The following RASGEF1C variants were observed in gnomAD, a reference collection of about 807,000 sequenced individuals.
The protein encoded by RASGEF1C is ras-GEF domain-containing family member 1C.
In RASGEF1C, 27 loss-of-function variants were observed where a neutral mutation model predicts 58.1. That is an observed-to-expected ratio of 0.46 (90% CI 0.34 to 0.64). The LOEUF (loss-of-function observed/expected upper bound fraction) is 0.64, where lower values mean the gene tolerates loss of function less well. Ranked by LOEUF, RASGEF1C falls within the 30% of genes least tolerant of loss-of-function variation. RASGEF1C has a pLI of 0.01. For missense variants in RASGEF1C, 502 were observed against 605.1 expected (o/e 0.83, Z 1.79); for synonymous variants, 243 against 246.3 (o/e 0.99, Z 0.13).
chr5:180,121,439 G>T (rs1367269137), intron 6 of RASGEF1C, among the ~76,000 whole-genome samples: 2 of 151,640 alleles, frequency 1.3e-5, no homozygotes, highest in Non-Finnish European at 2.9e-5. Flanking sequence ...TCAGCCTCCC[G>T]AGTAGGTGGG....
At chr5:180,153,882 G>C (rs1466541450) in intron 1 of RASGEF1C, among the ~76,000 whole-genome samples, 1 of 152,178 alleles carries the variant, frequency 6.6e-6, no homozygotes, top group East Asian at 1.9e-4. Context: ...TCTGGAAACA[G>C]AGCTGAAAGC....
intron 12 of RASGEF1C, among the ~76,000 whole-genome samples, chr5:180,106,479 T>TC (rs1393017518): frequency 6.6e-6 from 1 of 152,228 alleles, no homozygotes; most frequent in African/African-American, 2.4e-5. Context: ...GATTGTATTT[T>TC]CAGTCAGTTC....
intron 12 of RASGEF1C, among the ~76,000 whole-genome samples, chr5:180,104,109 G>A (rs888861050): frequency 3.3e-5 from 5 of 152,194 alleles, no homozygotes; most frequent in Non-Finnish European, 5.9e-5. Flanking sequence ...CTATATTCAT[G>A]AGGGATATTG....
chr5:180,103,556 G>A (rs567506054), intron 12 of RASGEF1C, among the ~76,000 whole-genome samples: 4 of 152,172 alleles, frequency 2.6e-5, no homozygotes, highest in Non-Finnish European at 4.4e-5. Context: ...CTGCAACCTT[G>A]CTGAACTCCC....
intron 1 of RASGEF1C, among the ~76,000 whole-genome samples, chr5:180,173,515 G>A (rs771512783): frequency 6.6e-6 from 1 of 152,222 alleles, no homozygotes; most frequent in Non-Finnish European, 1.5e-5. Flanking sequence ...AGCTGGAGAT[G>A]TATCTGTCAA....
intron 1 of RASGEF1C, among the ~76,000 whole-genome samples, chr5:180,170,825 G>T (rs938784204): frequency 6.6e-6 from 1 of 152,326 alleles, no homozygotes; most frequent in East Asian, 1.9e-4. Flanking sequence ...GTCCTGCTCC[G>T]CTTGTCTTCA....
intron 1 of RASGEF1C, among the ~76,000 whole-genome samples, chr5:180,186,945 T>TCAAA (rs536833919): frequency 0.029 from 4,386 of 152,022 alleles, 80 homozygotes; most frequent in Non-Finnish European, 0.034. Flanking sequence ...AGACTCAGTC[T>TCAAA]CAAACAAACA....
At chr5:180,176,556 CTTTTTTTT>C (rs538002188) in intron 1 of RASGEF1C, among the ~76,000 whole-genome samples, 1 of 138,388 alleles carries the variant, frequency 7.2e-6, no homozygotes, top group South Asian at 2.3e-4. Context: ...AAGGCTAATA[CTTTTTTTT>C]TTTTTTTTTT....
chr5:180,203,470 T>C (rs1756430416), intron 1 of RASGEF1C, among the ~76,000 whole-genome samples: 1 of 152,134 alleles, frequency 6.6e-6, no homozygotes, highest in African/African-American at 2.4e-5. Flanking sequence ...GCTCTAAATA[T>C]AACTACAAAG....
intron 1 of RASGEF1C, among the ~76,000 whole-genome samples, chr5:180,208,732 G>A (rs926459447): frequency 7.9e-5 from 12 of 152,222 alleles, no homozygotes; most frequent in Non-Finnish European, 1.6e-4. Flanking sequence ...CCACTCTAGC[G>A]GCTGAAAGAA....
At chr5:180,192,039 G>A (rs1756173173) in intron 1 of RASGEF1C, among the ~76,000 whole-genome samples, 1 of 152,200 alleles carries the variant, frequency 6.6e-6, no homozygotes, top group African/African-American at 2.4e-5. Context: ...AAGACCAAGA[G>A]CAGAGTCTCT....
In RASGEF1C at chr5:180,119,448, G is replaced by A. The variant is rs753100211; in HGVS notation, c.805C>T (p.Pro269Ser). 1.9e-6 allele frequency: 3 copies of A among 1,613,266 alleles called. No homozygotes were observed. The highest frequency in any genetic ancestry group is 2.2e-5 in the South Asian group (2 of 91,058). Reference protein sequence around the residue: ...CYLVATEICMPAKKKQRAQVI... With the variant: ...CYLVATEICMSAKKKQRAQVI... ...TGGGCCCTCTGCTTCTTCTTGGCTGGCTGGGGACAGGGCAGCAGAGCCTCA... is the reference window on the plus strand; with the variant it reads ...TGGGCCCTCTGCTTCTTCTTGGCTGACTGGGGACAGGGCAGCAGAGCCTCA... The change falls in exon 8 of 14, where the codon CCA (proline) becomes TCA (serine). Residue 269 changes from proline to serine, a missense_variant and splice_region_variant. Pro to Ser is a moderately conservative substitution (Grantham distance 74). Transcript: ENST00000361132.
chr5:180,118,496 C>A, intron 10 of RASGEF1C, 113 bp downstream of exon 10: 1 of 1,000,470 alleles, frequency 1.0e-6, no homozygotes, highest in East Asian at 2.4e-5. Flanking sequence ...AGCAAGGAGA[C>A]CTGGCTGTCT....
chr5:180,151,409 T>A (rs1371977811), intron 1 of RASGEF1C, among the ~76,000 whole-genome samples: 3 of 152,166 alleles, frequency 2.0e-5, no homozygotes, highest in Non-Finnish European at 2.9e-5. Context: ...TCAGAAATAA[T>A]GCTGCATATC....
Position 180,101,442 on chromosome 5 carries a change from C to T in RASGEF1C, c.*59G>A, listed in dbSNP as rs1765783085. ...GCCTCTGCCCACTGGGCCACTGAGGCAGGGCTGTGGACGGCTTCTGCGGGC... is the reference window on the plus strand; with the variant it reads ...GCCTCTGCCCACTGGGCCACTGAGGTAGGGCTGTGGACGGCTTCTGCGGGC... On this transcript the variant is annotated 3_prime_UTR_variant, in exon 14 of 14. Transcript: ENST00000361132. 6.3e-7 allele frequency: 1 copy of T among 1,599,104 alleles called. No individual in the cohort carries two copies. The highest frequency in any genetic ancestry group is 1.7e-5 in the Admixed American group (1 of 59,834).
At chr5:180,179,660 G>A (rs959346352) in intron 1 of RASGEF1C, among the ~76,000 whole-genome samples, 8 of 152,350 alleles carry the variant, frequency 5.3e-5, no homozygotes, top group Non-Finnish European at 1.0e-4. Context: ...GCCACTGGGC[G>A]TCAGGTATGC....
chr5:180,102,537 A>G (rs931843368), intron 12 of RASGEF1C, among the ~76,000 whole-genome samples: 17 of 152,152 alleles, frequency 1.1e-4, no homozygotes. Context: ...TTTACATTTT[A>G]GTCTGTGATC....
rs58046613 is a variant in RASGEF1C at position 180,204,007 on chromosome 5, CA to C, written c.-7+5020del. Among the ~76,000 whole-genome samples the C allele has an allele frequency of 2.1e-3, 55 of 25,984 alleles. 1 individual carries two copies. Among genetic ancestry groups the C allele is most frequent in the African/African-American group, 6.1e-3 (39 of 6,444 alleles). 17.0% of individuals were successfully genotyped at this position (25,984 alleles called of 152,430 possible). On this transcript the variant is annotated intron_variant, in intron 1 of 13. Coordinates refer to ENST00000361132, the MANE Select transcript of RASGEF1C (RefSeq NM_175062.4). ...GACTCTGTCTCAAAAAACAAACAAA[CA>C]AACAACAACAACAACAACAACAAAG...
In RASGEF1C at chr5:180,197,118, T is replaced by C. The variant is rs1694073909; in HGVS notation, c.-7+11910A>G. Among the ~76,000 whole-genome samples, 2 of 152,174 alleles carry C rather than the reference T, an allele frequency of 1.3e-5. No individual in the cohort carries two copies. The highest frequency in any genetic ancestry group is 4.8e-5 in the African/African-American group (2 of 41,452). On this transcript the variant is annotated intron_variant, in intron 1 of 13. Transcript: ENST00000361132. This position sits in a 1 kb window ranked among gnomAD's most constrained non-coding sequence, Gnocchi z 4.7. The stretch of plus-strand genomic sequence containing the variant: ...GCCAGCCTGCCTCTGATGAGCCTCC[T>C]TGGTCCCTCTGCAGCACGATCCCCT...
Sources: gnomAD v4.1 joint callset for allele counts (sites outside exome capture counted in the v4.1 genomes callset) on GRCh38, gnomAD v4.1.1 for gene constraint, Gnocchi (gnomAD v3.1) non-coding constraint, MANE v1.5 for transcripts, NCBI Gene and HGNC (gene_info 2026-07-23, HGNC 2026-07-21) for gene names.